The following CABLES1 variants were observed in gnomAD, a reference collection of about 807,000 sequenced individuals.
CABLES1 encodes the protein Cdk5 and Abl enzyme substrate 1.
In CABLES1, 36 loss-of-function variants were observed where a neutral mutation model predicts 57.8. The observed-to-expected ratio is 0.62, with a 90% CI of 0.48 to 0.82. The LOEUF is 0.82. Ranked by LOEUF, CABLES1 falls within the 40% of genes least tolerant of loss-of-function variation. The pLI is 0.00. For missense variants in CABLES1, 767 were observed against 836.6 expected, an observed-to-expected ratio of 0.92 and a Z score of 1.03; for synonymous variants, 374 against 363.0, an observed-to-expected ratio of 1.03 and a Z score of -0.35.
Position 23,241,456 on chromosome 18 carries a change from G to A in CABLES1, c.1446+4211G>A, listed in dbSNP as rs1214134828. Among the ~76,000 whole-genome samples, 5 of 147,130 alleles carry A rather than the reference G, an allele frequency of 3.4e-5. 1 individual carries two copies. The highest frequency in any genetic ancestry group is 4.0e-4 in the East Asian group (2 of 4,976). ...TGAGGCAGGAGAATCGCTTAAACCC[G>A]GGAGGTGGAGGTTGCAGTGAGCCGA... On this transcript the variant is annotated intron_variant, in intron 7 of 9. Coordinates refer to ENST00000256925, the MANE Select transcript of CABLES1 (RefSeq NM_001100619.3).
intron 1 of CABLES1, among the ~76,000 whole-genome samples, chr18:23,162,165 C>CAAA (rs540759219): frequency 3.1e-4 from 26 of 84,290 alleles, no homozygotes; most frequent in African/African-American, 1.0e-3. Context: ...AACCCTGTCT[C>CAAA]AAAAAAAAAA....
At chr18:23,163,769 A>T (rs1418943346) in intron 1 of CABLES1, among the ~76,000 whole-genome samples, 6 of 152,146 alleles carry the variant, frequency 3.9e-5, no homozygotes, top group Non-Finnish European at 5.9e-5. Flanking sequence ...GTTTATGGTT[A>T]TTTAGTGGAG....
intron 8 of CABLES1, 93 bp from the exon 9 acceptor site, chr18:23,253,636 A>G: frequency 9.4e-7 from 1 of 1,065,780 alleles, no homozygotes; most frequent in Non-Finnish European, 1.4e-6. Flanking sequence ...TGGGAAAGAG[A>G]AAGAGAAAAA....
chr18:23,234,107 AC>A (rs1326021571), intron 4 of CABLES1, among the ~76,000 whole-genome samples: 2 of 152,116 alleles, frequency 1.3e-5, no homozygotes, highest in African/African-American at 4.8e-5. Flanking sequence ...AATCCCAGCT[AC>A]TCAGGAGGCT....
intron 1 of CABLES1, among the ~76,000 whole-genome samples, chr18:23,166,874 AG>A (rs1748333663): frequency 6.6e-6 from 1 of 152,158 alleles, no homozygotes; most frequent in South Asian, 2.1e-4. Flanking sequence ...CGGAATTCCC[AG>A]GGTGGCTCCT....
intron 1 of CABLES1, among the ~76,000 whole-genome samples, chr18:23,185,912 T>C (rs1598817646): frequency 6.6e-6 from 1 of 152,220 alleles, no homozygotes; most frequent in South Asian, 2.1e-4. Flanking sequence ...CATACAGAGA[T>C]AAACAGTAAA....
chr18:23,247,359 A>C (rs1193431920), intron 7 of CABLES1, among the ~76,000 whole-genome samples: 1 of 152,260 alleles, frequency 6.6e-6, no homozygotes, highest in Non-Finnish European at 1.5e-5. Flanking sequence ...CCCTGGGCTC[A>C]GAGTGATCCG....
intron 1 of CABLES1, among the ~76,000 whole-genome samples, chr18:23,162,400 G>A (rs2047011793): frequency 2.0e-5 from 3 of 152,166 alleles, no homozygotes. Context: ...AACCTAGGCA[G>A]CTGAAGGGAG....
At chr18:23,169,385 G>A (rs575410223) in intron 1 of CABLES1, among the ~76,000 whole-genome samples, 3 of 152,262 alleles carry the variant, frequency 2.0e-5, no homozygotes, top group Admixed American at 1.3e-4. Context: ...CCCTCTGTTG[G>A]GGTCTGGATC....
At chr18:23,246,593 G>GTT (rs1368216448) in intron 7 of CABLES1, among the ~76,000 whole-genome samples, 1 of 150,950 alleles carries the variant, frequency 6.6e-6, no homozygotes, top group Non-Finnish European at 1.5e-5. Context: ...GGGTTTCACC[G>GTT]TGTTAGCCAG....
chr18:23,149,368 G>T (rs2046912441), intron 1 of CABLES1, among the ~76,000 whole-genome samples: 1 of 152,102 alleles, frequency 6.6e-6, no homozygotes, highest in South Asian at 2.1e-4. Flanking sequence ...TGCAGCCTCT[G>T]CCTCCAGGGC....
chr18:23,254,121 C>T (rs1004430715), intron 9 of CABLES1, among the ~76,000 whole-genome samples, 185 bp downstream of exon 9: 1 of 152,212 alleles, frequency 6.6e-6, no homozygotes, highest in Admixed American at 6.5e-5. Flanking sequence ...TAGGGATGAT[C>T]TACTTTGACA....
chr18:23,154,209 CAT>C (rs1185132603), intron 1 of CABLES1, among the ~76,000 whole-genome samples: 1 of 152,186 alleles, frequency 6.6e-6, no homozygotes, highest in African/African-American at 2.4e-5. Context: ...AGTGATCTCA[CAT>C]GTGAAGAAGA....
At chr18:23,199,612 A>G (rs979532861) in intron 3 of CABLES1, among the ~76,000 whole-genome samples, 1 of 152,156 alleles carries the variant, frequency 6.6e-6, no homozygotes, top group East Asian at 1.9e-4. Flanking sequence ...ATGTCATATG[A>G]CTCCATTTAA....
At chr18:23,159,068 C>T (rs906251075) in intron 1 of CABLES1, among the ~76,000 whole-genome samples, 2 of 152,164 alleles carry the variant, frequency 1.3e-5, no homozygotes, top group African/African-American at 2.4e-5. Flanking sequence ...TGAGTTCAAG[C>T]GATTCTCCTG....
intron 2 of CABLES1, among the ~76,000 whole-genome samples, chr18:23,192,057 T>C (rs987194558): frequency 6.6e-6 from 1 of 152,094 alleles, no homozygotes; most frequent in Non-Finnish European, 1.5e-5. Flanking sequence ...CTGTTAAAAG[T>C]CCTACTTTCC....
intron 3 of CABLES1, among the ~76,000 whole-genome samples, chr18:23,205,685 ATATCCT>A (rs2047358124): frequency 6.6e-6 from 1 of 152,164 alleles, no homozygotes; most frequent in African/African-American, 2.4e-5. Flanking sequence ...AATACGACCG[ATATCCT>A]TATAGAAAGA....
At position 23,191,906 on chromosome 18, in the gene CABLES1, TAAAAAAAAAAAAAAAAAAA is replaced by T. The variant is rs147984743; in HGVS notation, c.918-2525_918-2507del. The stretch of plus-strand genomic sequence containing the variant: ...TTCCCTGGTGATTTGGTTGAATGCT[TAAAAAAAAAAAAAAAAAAA>T]AAAAAAAAAAAAAAAAGGCAACACA... On this transcript the variant is annotated intron_variant, in intron 2 of 9. Transcript: ENST00000256925. 2.1e-3 allele frequency among the ~76,000 whole-genome samples: 174 copies of T among 82,634 alleles called. 4 individuals carry two copies. Among genetic ancestry groups the T allele is most frequent in the Middle Eastern group, 6.8e-3 (1 of 146 alleles). 54.2% of individuals were successfully genotyped at this position (82,634 alleles called of 152,430 possible).
intron 9 of CABLES1, among the ~76,000 whole-genome samples, chr18:23,254,728 C>T (rs1191714521): frequency 6.6e-6 from 1 of 152,206 alleles, no homozygotes. Flanking sequence ...CAGAGAAAGA[C>T]AAAAAGCAAG....
Sources: allele counts gnomAD v4.1 joint callset (sites outside exome capture counted in the v4.1 genomes callset), GRCh38; gene constraint gnomAD v4.1.1; transcripts MANE v1.5; gene names NCBI Gene and HGNC (gene_info 2026-07-23, HGNC 2026-07-21).